Variants in HOXA3 observed in about 807,000 individuals in gnomAD.
HOXA3 encodes homeobox protein Hox-A3.
HOXA3 carries 8 observed loss-of-function variants against 30.3 expected under a neutral mutation model. That is an observed-to-expected ratio of 0.26 (90% CI 0.15 to 0.48). The LOEUF (loss-of-function observed/expected upper bound fraction) is 0.48, where lower values mean the gene tolerates loss of function less well. HOXA3 is among the 20% of genes least tolerant of loss of function. The pLI is 0.99. For synonymous variants in HOXA3, 323 were observed against 273.1 expected, an observed-to-expected ratio of 1.18 and a Z score of -1.80; for missense variants, 653 against 614.4, an observed-to-expected ratio of 1.06 and a Z score of -0.66.
intron 4 of HOXA3, among the ~76,000 whole-genome samples, chr7:27,114,907 G>C (rs1244889832): frequency 1.0e-4 from 10 of 95,826 alleles, no homozygotes; most frequent in African/African-American, 3.7e-4. Flanking sequence ...CTCATTAGTG[G>C]GATGGAGTAA....
Position 27,145,573 on chromosome 7 carries a change from CG to C in HOXA3, c.-493-5388del, listed in dbSNP as rs1782728494. 8 of 1,524,614 alleles carry C rather than the reference CG, an allele frequency of 5.2e-6. No homozygotes were observed. The East Asian group carries it at 1.4e-4, about 26-fold the overall frequency. 94.4% of individuals were successfully genotyped at this position (1,524,614 alleles called of 1,614,324 possible). On this transcript the variant is annotated intron_variant, in intron 1 of 5. Coordinates refer to ENST00000612286, the MANE Select transcript of HOXA3 (RefSeq NM_153631.3). The stretch of plus-strand genomic sequence containing the variant: ...GCGGAAGCCCCCAGATGGGAGCAGG[CG>C]GGGAGAAAAGTTGGGGAACAGGCGA...
At chr7:27,126,045 C>G (rs1037134957) in intron 3 of HOXA3, among the ~76,000 whole-genome samples, 43 of 152,296 alleles carry the variant, frequency 2.8e-4, no homozygotes, top group African/African-American at 9.4e-4. Flanking sequence ...CTTCCCATGG[C>G]TCCATCCTGG....
chr7:27,152,437 C>A lies in HOXA3; in HGVS notation c.-643G>T. 8.7e-7 allele frequency: 1 copy of A among 1,152,352 alleles called. No individual in the cohort carries two copies. The allele number at this position is 1,152,352 out of a possible 1,614,324, so 71.4% of individuals were successfully genotyped here. A position where few individuals can be genotyped will look rare whatever the true frequency, so the allele number is the denominator to read the frequency against. On this transcript the variant is annotated 5_prime_UTR_variant, in exon 1 of 6. Coordinates refer to ENST00000612286, the MANE Select transcript of HOXA3 (RefSeq NM_153631.3). ...AAAGCTGCTGCCGCGGCGCCGGGAA[C>A]GGAGCGCGCCCAATCTCCAGCGGGA...
At chr7:27,131,084 C>G (rs886722388) in intron 2 of HOXA3, among the ~76,000 whole-genome samples, 1 of 152,158 alleles carries the variant, frequency 6.6e-6, no homozygotes, top group Non-Finnish European at 1.5e-5. Context: ...CCCCAGCCCC[C>G]CAGCTTTGGT....
At chr7:27,121,263 A>C (rs867674616) in intron 4 of HOXA3, 1 of 70,188 alleles carries the variant, frequency 1.4e-5, no homozygotes, top group Non-Finnish European at 3.3e-5. Context: ...GTGTGTGTGT[A>C]TGATAGATTC....
intron 2 of HOXA3, among the ~76,000 whole-genome samples, chr7:27,134,606 A>C (rs1358992020): frequency 6.6e-6 from 1 of 152,198 alleles, no homozygotes; most frequent in East Asian, 1.9e-4. Context: ...TCACTAGCCC[A>C]AATGTGGTGA....
At chr7:27,141,958 A>T in intron 1 of HOXA3, 1 of 1,614,222 alleles carries the variant, frequency 6.2e-7, no homozygotes, top group Non-Finnish European at 8.5e-7. Flanking sequence ...GGCAAAGAGC[A>T]TGTGCTATTT....
At chr7:27,147,408 G>A in intron 1 of HOXA3, 2 of 1,614,240 alleles carry the variant, frequency 1.2e-6, no homozygotes, top group Non-Finnish European at 1.7e-6. Flanking sequence ...CGCTGCTGCT[G>A]TCGGGTTTGT....
At chr7:27,147,524 C>T (rs1290900751) in intron 1 of HOXA3, 2 of 1,614,104 alleles carry the variant, frequency 1.2e-6, no homozygotes. Context: ...AAACACGAGG[C>T]CCCGTACTCG....
At chr7:27,147,037 C>G (rs1782792376) in intron 1 of HOXA3, 1 of 526,028 alleles carries the variant, frequency 1.9e-6, no homozygotes, top group Admixed American at 3.4e-5. Context: ...TCAGGCTGTC[C>G]CTGTCACAGG....
chr7:27,145,986 TC>T, intron 1 of HOXA3: 1 of 1,538,990 alleles, frequency 6.5e-7, no homozygotes. Flanking sequence ...GCCCAGTGCC[TC>T]CCACAAGAGG....
rs1784589927 is a variant in HOXA3, at chr7:27,114,819, A to ATATACATAATATATATTATATATAT, written c.-120-4060_-120-4059insATATATATAATATATATTATGTATA. On this transcript the variant is annotated intron_variant, in intron 4 of 5. Coordinates refer to ENST00000612286, the MANE Select transcript of HOXA3 (RefSeq NM_153631.3). ...TCAAACGGATTCCTAAAACATACATATATATATAATATATATTATATATAT... is the reference window on the plus strand; with the variant it reads ...TCAAACGGATTCCTAAAACATACATATATACATAATATATATTATATATATTATATATAATATATATTATATATAT... Among the ~76,000 whole-genome samples, 7 of 43,680 alleles carry ATATACATAATATATATTATATATAT rather than the reference A, an allele frequency of 1.6e-4. 1 individual carries two copies. The highest frequency in any genetic ancestry group is 2.9e-4 in the Non-Finnish European group (6 of 20,672). 28.7% of individuals were successfully genotyped at this position (43,680 alleles called of 152,430 possible).
chr7:27,110,215 C>T lies in HOXA3; in HGVS notation c.426G>A (p.Lys142=). The stretch of plus-strand genomic sequence containing the variant: ...CTGTGGGTGAGTTGAGCAGGGGGCT[C>T]TTGGCCGCGTTGGCAGGGGTAGGGT... ...SNNPTPANAA[K]SPLLNSPTVA... The change falls in exon 5 of 6, where the codon AAG becomes AAA. Residue 142 remains lysine (K), a synonymous_variant. Transcript: ENST00000612286. 6.2e-7 allele frequency: 1 copy of T among 1,612,990 alleles called. No homozygotes were observed. The highest frequency in any genetic ancestry group is 1.3e-5 in the African/African-American group (1 of 74,578).
intron 1 of HOXA3, chr7:27,143,428 G>A (rs758573284): frequency 8.1e-6 from 13 of 1,612,628 alleles, no homozygotes; most frequent in Admixed American, 6.7e-5. Context: ...AGTGGCCGGA[G>A]CCCGAGCGGC....
intron 3 of HOXA3, chr7:27,124,610 G>A (rs1331659974): frequency 6.6e-6 from 1 of 152,110 alleles, no homozygotes; most frequent in Non-Finnish European, 1.5e-5. Flanking sequence ...AAAATCAAAT[G>A]GTAAGTTGGA....
At chr7:27,148,878 G>A (rs568003190) in intron 1 of HOXA3, among the ~76,000 whole-genome samples, 1 of 152,380 alleles carries the variant, frequency 6.6e-6, no homozygotes, top group African/African-American at 2.4e-5. Flanking sequence ...GGCACAGAGG[G>A]CAGCTCTGCA....
intron 1 of HOXA3, among the ~76,000 whole-genome samples, chr7:27,149,350 TA>T (rs1403577345): frequency 6.6e-6 from 1 of 152,238 alleles, no homozygotes; most frequent in Non-Finnish European, 1.5e-5. Flanking sequence ...ACAAGATCTG[TA>T]AAACCCTGGC....
intron 1 of HOXA3, chr7:27,147,679 T>G (rs1354124744): frequency 6.2e-7 from 1 of 1,614,004 alleles, no homozygotes; most frequent in African/African-American, 1.3e-5. Flanking sequence ...GAGGGGCAGC[T>G]GGCCCAAGAA....
rs1254711346 is a variant in HOXA3, at chr7:27,143,957, G to C, written c.-493-3771C>G. Among the ~76,000 whole-genome samples the C allele has an allele frequency of 2.0e-5, 3 of 152,216 alleles. No homozygotes were observed. The East Asian group carries it at 5.8e-4, about 29-fold the overall frequency. Reference sequence around the variant, plus strand: ...AGGGCTCATCGCCCAGCTTCCGACCGGGGGCTGCAAGGGCCGGGGTCGAAT... The same window carrying C: ...AGGGCTCATCGCCCAGCTTCCGACCCGGGGCTGCAAGGGCCGGGGTCGAAT... On this transcript the variant is annotated intron_variant, in intron 1 of 5. Transcript: ENST00000612286.
Sources: gnomAD v4.1 joint callset for allele counts (sites outside exome capture counted in the v4.1 genomes callset) on GRCh38, gnomAD v4.1.1 for gene constraint, MANE v1.5 for transcripts, NCBI Gene and HGNC (gene_info 2026-07-23, HGNC 2026-07-21) for gene names.